Variants in CHN2 observed in about 807,000 individuals in gnomAD.
CHN2 encodes the protein chimerin 2.
A neutral mutation model predicts 56.3 loss-of-function variants in CHN2; 35 were observed. The ratio of observed to expected loss-of-function variants is 0.62; its 90% CI spans 0.47 to 0.82. CHN2 has a LOEUF of 0.82. Ranked by LOEUF, CHN2 falls within the 40% of genes least tolerant of loss-of-function variation. The pLI is 0.00. For missense variants in CHN2, 491 were observed against 580.5 expected (o/e 0.85, Z 1.58); for synonymous variants, 210 against 212.8 (o/e 0.99, Z 0.12).
At chr7:29,470,150 TCA>T (rs1204188829) in intron 6 of CHN2, among the ~76,000 whole-genome samples, 1 of 152,196 alleles carries the variant, frequency 6.6e-6, no homozygotes, top group Non-Finnish European at 1.5e-5. Flanking sequence ...TCTGCATCAA[TCA>T]CACACACTCT....
intron 2 of CHN2, among the ~76,000 whole-genome samples, chr7:29,175,233 G>A (rs1365035212): frequency 1.3e-5 from 2 of 150,910 alleles, no homozygotes; most frequent in South Asian, 2.1e-4. Context: ...GGAGTGTAGT[G>A]GCACGATCTC....
chr7:29,302,355 G>A (rs1358285355), intron 1 of CHN2, among the ~76,000 whole-genome samples: 3 of 150,242 alleles, frequency 2.0e-5, no homozygotes, highest in South Asian at 4.2e-4. Flanking sequence ...TTCTTCCAGA[G>A]TCTCACTGTG....
chr7:29,264,553 A>G (rs1201598398), intron 1 of CHN2, among the ~76,000 whole-genome samples: 3 of 152,230 alleles, frequency 2.0e-5, no homozygotes, highest in Admixed American at 6.5e-5. Flanking sequence ...GTGTCCACTA[A>G]GGGTTGAATG....
chr7:29,290,191 C>G (rs1388158576), intron 1 of CHN2, among the ~76,000 whole-genome samples: 1 of 152,202 alleles, frequency 6.6e-6, no homozygotes, highest in Non-Finnish European at 1.5e-5. Context: ...GCTGCATTCA[C>G]GTTCTTTTTC....
chr7:29,329,113 A>G (rs1474016578), intron 1 of CHN2, among the ~76,000 whole-genome samples: 1 of 152,112 alleles, frequency 6.6e-6, no homozygotes, highest in Non-Finnish European at 1.5e-5. Flanking sequence ...TTCAATTCCA[A>G]GTAAGTCAAA....
At chr7:29,471,557 A>G (rs1279945535) in intron 6 of CHN2, among the ~76,000 whole-genome samples, 1 of 144,568 alleles carries the variant, frequency 6.9e-6, no homozygotes, top group African/African-American at 2.6e-5. Context: ...AGGTTGGGTG[A>G]ACGGTGACTG....
chr7:29,348,100 A>C (rs1348252661), intron 1 of CHN2, among the ~76,000 whole-genome samples: 1 of 152,198 alleles, frequency 6.6e-6, no homozygotes, highest in Non-Finnish European at 1.5e-5. Flanking sequence ...AGTTCAGTAA[A>C]AACAACGGAG....
At chr7:29,180,662 A>G (rs1797958911) in intron 2 of CHN2, among the ~76,000 whole-genome samples, 1 of 152,226 alleles carries the variant, frequency 6.6e-6, no homozygotes, top group Admixed American at 6.5e-5. Flanking sequence ...ATTAAAAGTT[A>G]TTATAATTAC....
intron 2 of CHN2, among the ~76,000 whole-genome samples, chr7:29,151,853 G>A (rs905411646): frequency 2.0e-5 from 3 of 152,210 alleles, no homozygotes; most frequent in African/African-American, 7.2e-5. Context: ...GAAATTGTAT[G>A]TATAGCCATC....
chr7:29,147,045 G>A, intron 2 of CHN2: 1 of 1,525,478 alleles, frequency 6.6e-7, no homozygotes, highest in South Asian at 1.2e-5. Flanking sequence ...GATGTGTTCT[G>A]TACCATTATA....
chr7:29,355,019 A>T (rs1402147300), intron 2 of CHN2, among the ~76,000 whole-genome samples: 1 of 150,678 alleles, frequency 6.6e-6, no homozygotes, highest in Non-Finnish European at 1.5e-5. Context: ...CCCAGGCTGG[A>T]GTGAAATGGC....
At chr7:29,465,806 A>G (rs1785504611) in intron 6 of CHN2, among the ~76,000 whole-genome samples, 1 of 152,226 alleles carries the variant, frequency 6.6e-6, no homozygotes, top group African/African-American at 2.4e-5. Flanking sequence ...TTGATAAAAA[A>G]TTTTAAATGG....
intron 6 of CHN2, among the ~76,000 whole-genome samples, chr7:29,425,899 T>C (rs1276740117): frequency 1.3e-5 from 2 of 152,112 alleles, no homozygotes; most frequent in Admixed American, 6.6e-5. Context: ...TTGGGACTTA[T>C]CCAGAACTTC....
chr7:29,482,535 GAACTA>G (rs1787378686), intron 7 of CHN2, among the ~76,000 whole-genome samples: 1 of 151,998 alleles, frequency 6.6e-6, no homozygotes, highest in African/African-American at 2.4e-5. Context: ...CCACTGAACT[GAACTA>G]AAGGAAGAAA....
intron 1 of CHN2, among the ~76,000 whole-genome samples, chr7:29,251,542 G>A (rs1295250177): frequency 6.6e-6 from 1 of 152,192 alleles, no homozygotes; most frequent in Non-Finnish European, 1.5e-5. Context: ...ATAGGGATGA[G>A]ATATATATCA....
At chr7:29,247,511 A>G (rs1788166500) in intron 1 of CHN2, among the ~76,000 whole-genome samples, 1 of 152,208 alleles carries the variant, frequency 6.6e-6, no homozygotes, top group Non-Finnish European at 1.5e-5. Context: ...TCCTGAGCTC[A>G]GCTTGCCAGA....
At chr7:29,190,646 GT>G (rs1409245708), upstream of CHN2, among the ~76,000 whole-genome samples, 2 of 152,180 alleles carry the variant, frequency 1.3e-5, no homozygotes, top group Non-Finnish European at 2.9e-5. Context: ...TTATTCTTAT[GT>G]TTCACCGTTT....
rs1221993716 is a variant in CHN2, at chr7:29,473,480, T to TGTG, written c.577-6799_577-6798insGTG. Among the ~76,000 whole-genome samples, 860 of 130,990 alleles carry TGTG rather than the reference T, an allele frequency of 6.6e-3. 13 individuals carry two copies. Among genetic ancestry groups the TGTG allele is most frequent in the African/African-American group, 0.022 (771 of 34,716 alleles). The allele number at this position is 130,990 out of a possible 152,430, so 85.9% of individuals were successfully genotyped here. The stretch of plus-strand genomic sequence containing the variant: ...TGTGTGTGTGTTTGTGTTTTTTTTT[T>TGTG]TTTGTGTGTGTGTGTGTGTGTGTGT... On this transcript the variant is annotated intron_variant, in intron 6 of 12. Transcript: ENST00000222792.
chr7:29,377,547 C>T (rs915744822), intron 3 of CHN2, among the ~76,000 whole-genome samples: 1 of 152,190 alleles, frequency 6.6e-6, no homozygotes, highest in Non-Finnish European at 1.5e-5. Context: ...TTCCAAGATG[C>T]TAGTTTCTTC....
Sources: gnomAD v4.1 joint callset for allele counts (sites outside exome capture counted in the v4.1 genomes callset) on GRCh38, gnomAD v4.1.1 for gene constraint, MANE v1.5 for transcripts, NCBI Gene and HGNC (gene_info 2026-07-23, HGNC 2026-07-21) for gene names.